PTPRM: variants seen among roughly 807,000 people sequenced by gnomAD.
PTPRM encodes the protein protein tyrosine phosphatase receptor type M, also known as receptor-type tyrosine-protein phosphatase mu.
A neutral mutation model predicts 186.7 loss-of-function variants in PTPRM; 47 were observed. The observed-to-expected ratio is 0.25, with a 90% CI of 0.20 to 0.32. The LOEUF (loss-of-function observed/expected upper bound fraction) is 0.32. Among genes scored for constraint, PTPRM ranks in the 10% least tolerant of loss-of-function variants. The pLI, the probability that PTPRM is intolerant of heterozygous loss-of-function variation, is 1.00. For missense variants in PTPRM, 1,494 were observed against 1,865.0 expected, an observed-to-expected ratio of 0.80 and a Z score of 3.66; for synonymous variants, 668 against 674.9, an observed-to-expected ratio of 0.99 and a Z score of 0.16.
intron 7 of PTPRM, among the ~76,000 whole-genome samples, chr18:7,977,429 A>G (rs866719329): frequency 1.3e-5 from 2 of 151,980 alleles, no homozygotes; most frequent in South Asian, 2.1e-4. Flanking sequence ...ACTTCACCGT[A>G]GGTCCCTCAC....
intron 1 of PTPRM, among the ~76,000 whole-genome samples, chr18:7,581,541 A>G (rs1216585896): frequency 6.6e-6 from 1 of 152,050 alleles, no homozygotes; most frequent in East Asian, 1.9e-4. Flanking sequence ...TATTTTATGT[A>G]TCATTATAAA....
At chr18:8,004,225 A>G (rs1428253277) in intron 7 of PTPRM, among the ~76,000 whole-genome samples, 1 of 152,186 alleles carries the variant, frequency 6.6e-6, no homozygotes, top group African/African-American at 2.4e-5. Context: ...TACTTACAGT[A>G]AGGGTTGAGA....
intron 5 of PTPRM, among the ~76,000 whole-genome samples, chr18:7,941,807 C>CA (rs2052193399): frequency 6.6e-6 from 1 of 152,230 alleles, no homozygotes; most frequent in African/African-American, 2.4e-5. Flanking sequence ...ACAGAGCTAT[C>CA]ATAGGAGACA....
At chr18:8,221,064 CT>C (rs904840485) in intron 14 of PTPRM, among the ~76,000 whole-genome samples, 1 of 151,454 alleles carries the variant, frequency 6.6e-6, no homozygotes, top group African/African-American at 2.4e-5. Flanking sequence ...CTTGAAGTCT[CT>C]TTTTTTTTCT....
At chr18:7,584,603 A>G (rs1021156057) in intron 1 of PTPRM, among the ~76,000 whole-genome samples, 3 of 151,906 alleles carry the variant, frequency 2.0e-5, no homozygotes, top group African/African-American at 7.3e-5. Flanking sequence ...TTCTGAATAC[A>G]TATTGTTTAT....
At chr18:8,130,951 A>T (rs946979798) in intron 13 of PTPRM, among the ~76,000 whole-genome samples, 1 of 152,206 alleles carries the variant, frequency 6.6e-6, no homozygotes, top group Admixed American at 6.5e-5. Flanking sequence ...GCAAAAATGC[A>T]CGTAGAGTAG....
At chr18:8,226,176 A>T (rs1173056859) in intron 14 of PTPRM, among the ~76,000 whole-genome samples, 1 of 152,164 alleles carries the variant, frequency 6.6e-6, no homozygotes, top group Non-Finnish European at 1.5e-5. Flanking sequence ...CTCCGTTAAC[A>T]TAACACAACT....
At chr18:8,400,869 G>A (rs1598621751) in intron 32 of PTPRM, among the ~76,000 whole-genome samples, 1 of 152,196 alleles carries the variant, frequency 6.6e-6, no homozygotes, top group East Asian at 1.9e-4. Flanking sequence ...CTATTTAACG[G>A]CTGTGCATGT....
chr18:7,835,962 C>A (rs1345757682), intron 2 of PTPRM, among the ~76,000 whole-genome samples: 2 of 151,856 alleles, frequency 1.3e-5, no homozygotes, highest in Non-Finnish European at 2.9e-5. Context: ...TTTTTCCATC[C>A]CTTTATTTTT....
At chr18:7,753,640 T>C (rs1371055605) in intron 1 of PTPRM, among the ~76,000 whole-genome samples, 1 of 152,198 alleles carries the variant, frequency 6.6e-6, no homozygotes, top group African/African-American at 2.4e-5. Flanking sequence ...CTATATGTAA[T>C]ATAAATAGGT....
At chr18:7,826,898 A>G (rs1209739859) in intron 2 of PTPRM, among the ~76,000 whole-genome samples, 2 of 152,160 alleles carry the variant, frequency 1.3e-5, no homozygotes, top group East Asian at 1.9e-4. Context: ...GTTAGAGGCT[A>G]GCCTGGACAA....
intron 31 of PTPRM, among the ~76,000 whole-genome samples, chr18:8,389,607 G>A (rs1259869386): frequency 6.6e-6 from 1 of 152,192 alleles, no homozygotes; most frequent in Non-Finnish European, 1.5e-5. Context: ...TTCATGTGGG[G>A]CTGTCTCTTG....
intron 22 of PTPRM, among the ~76,000 whole-genome samples, chr18:8,330,574 T>C (rs1215642555): frequency 2.0e-5 from 3 of 152,186 alleles, no homozygotes; most frequent in African/African-American, 7.2e-5. Context: ...ATATAGGCTG[T>C]TCCCTTCACT....
At chr18:7,914,764 AATAT>A (rs2050457906) in intron 4 of PTPRM, among the ~76,000 whole-genome samples, 1 of 152,096 alleles carries the variant, frequency 6.6e-6, no homozygotes, top group Non-Finnish European at 1.5e-5. Context: ...ATGTTTGCAA[AATAT>A]ATTGGTTCTC....
intron 19 of PTPRM, among the ~76,000 whole-genome samples, chr18:8,286,417 C>T (rs1447466010): frequency 1.3e-5 from 2 of 152,190 alleles, no homozygotes; most frequent in East Asian, 1.9e-4. Flanking sequence ...ATCAGCACCA[C>T]GTGGAAACTT....
chr18:8,082,531 C>A (rs1173552780), intron 9 of PTPRM, among the ~76,000 whole-genome samples: 1 of 148,972 alleles, frequency 6.7e-6, no homozygotes, highest in South Asian at 2.2e-4. Flanking sequence ...CCCTCCCTCC[C>A]TCTCTCCCCT....
chr18:7,817,849 G>C (rs2044929564), intron 2 of PTPRM, among the ~76,000 whole-genome samples: 1 of 152,174 alleles, frequency 6.6e-6, no homozygotes, highest in Non-Finnish European at 1.5e-5. Flanking sequence ...TCTGACTGCT[G>C]GTCTCCGCTT....
intron 1 of PTPRM, among the ~76,000 whole-genome samples, chr18:7,608,687 C>T (rs1049062879): frequency 1.3e-5 from 2 of 152,134 alleles, no homozygotes; most frequent in South Asian, 2.1e-4. Flanking sequence ...AGGGCCTGCT[C>T]CCATTCTTGC....
At chr18:7,670,009 G>T (rs1049058765) in intron 1 of PTPRM, among the ~76,000 whole-genome samples, 6 of 152,078 alleles carry the variant, frequency 3.9e-5, no homozygotes, top group African/African-American at 1.2e-4. Flanking sequence ...CTCCCAAAGT[G>T]CTGGGATTAC....
Sources: allele counts gnomAD v4.1 joint callset (sites outside exome capture counted in the v4.1 genomes callset), GRCh38; gene constraint gnomAD v4.1.1; transcripts MANE v1.5; gene names NCBI Gene and HGNC (gene_info 2026-07-23, HGNC 2026-07-21).